The following RASSF3 variants were observed in gnomAD, a reference collection of about 807,000 sequenced individuals.
RASSF3 encodes Ras association domain family member 3.
Under a neutral mutation model 19.9 loss-of-function variants are expected in RASSF3, and 19 were observed. The ratio of observed to expected loss-of-function variants is 0.96; its 90% CI spans 0.67 to 1.40. The LOEUF is 1.40. Among genes scored for constraint, RASSF3 ranks in the 40% most tolerant of loss-of-function variants. The pLI is 0.00. For synonymous variants in RASSF3, 110 were observed against 104.2 expected (o/e 1.06, Z -0.34); for missense variants, 306 against 289.8 (o/e 1.06, Z -0.41).
intron 2 of RASSF3, among the ~76,000 whole-genome samples, chr12:64,598,697 T>A (rs1276011733): frequency 6.6e-6 from 1 of 152,184 alleles, no homozygotes; most frequent in Non-Finnish European, 1.5e-5. Flanking sequence ...CAAAAAAGCA[T>A]TTCTATTTTC....
At chr12:64,644,509 A>G (rs568211358) in intron 1 of RASSF3, among the ~76,000 whole-genome samples, 1 of 152,252 alleles carries the variant, frequency 6.6e-6, no homozygotes, top group African/African-American at 2.4e-5. Context: ...CAGCCTGGGC[A>G]ACATGGAGAA....
At chr12:64,563,429 C>G (rs1488478325) in intron 2 of RASSF3, among the ~76,000 whole-genome samples, 1 of 152,182 alleles carries the variant, frequency 6.6e-6, no homozygotes, top group East Asian at 1.9e-4. Flanking sequence ...CTCAGCTTCC[C>G]AAAGTGCTGG....
At chr12:64,639,456 A>G (rs2136180983) in intron 1 of RASSF3, among the ~76,000 whole-genome samples, 1 of 147,700 alleles carries the variant, frequency 6.8e-6, no homozygotes, top group African/African-American at 2.6e-5. Flanking sequence ...AGGTGATAAC[A>G]TTTTTGCGTG....
chr12:64,631,961 C>T (rs1871183676), intron 1 of RASSF3, among the ~76,000 whole-genome samples: 1 of 152,058 alleles, frequency 6.6e-6, no homozygotes, highest in Non-Finnish European at 1.5e-5. Flanking sequence ...AGAGATGCCT[C>T]CCTTCGCACT....
chr12:64,692,221 C>T (rs566538292), intron 4 of RASSF3, among the ~76,000 whole-genome samples: 1 of 152,296 alleles, frequency 6.6e-6, no homozygotes, highest in South Asian at 2.1e-4. Context: ...AAATCCCAAG[C>T]TCCTGTCCCA....
chr12:64,691,951 T>C (rs1868293016), intron 4 of RASSF3, among the ~76,000 whole-genome samples: 1 of 152,146 alleles, frequency 6.6e-6, no homozygotes, highest in African/African-American at 2.4e-5. Context: ...ATGTGTTTGC[T>C]ACTAACAAAA....
chr12:64,554,387 C>A (rs1183366449), intron 2 of RASSF3, among the ~76,000 whole-genome samples: 2 of 152,212 alleles, frequency 1.3e-5, no homozygotes, highest in Admixed American at 6.5e-5. Flanking sequence ...TCACTGCAAC[C>A]TTTGCCTCCT....
intron 1 of RASSF3, among the ~76,000 whole-genome samples, chr12:64,618,323 T>G (rs1370781527): frequency 2.6e-5 from 4 of 152,108 alleles, no homozygotes; most frequent in African/African-American, 9.7e-5. Context: ...TTTTGTTTGC[T>G]TAATTTTATT....
At chr12:64,549,212 G>GT (rs1869116823) in intron 2 of RASSF3, among the ~76,000 whole-genome samples, 1 of 152,234 alleles carries the variant, frequency 6.6e-6, no homozygotes, top group South Asian at 2.1e-4. Context: ...TCTTCTGCCA[G>GT]TTGTAGATCC....
intron 2 of RASSF3, among the ~76,000 whole-genome samples, chr12:64,579,273 C>T (rs1307250052): frequency 6.6e-6 from 1 of 150,996 alleles, no homozygotes; most frequent in Non-Finnish European, 1.5e-5. Flanking sequence ...TGGAAATAAT[C>T]ATATTTAAGT....
intron 2 of RASSF3, among the ~76,000 whole-genome samples, chr12:64,587,186 C>G (rs1032702302): frequency 1.3e-5 from 2 of 150,120 alleles, no homozygotes; most frequent in African/African-American, 2.4e-5. Flanking sequence ...TCCCGAGTAG[C>G]TGGGATTACA....
intron 2 of RASSF3, among the ~76,000 whole-genome samples, chr12:64,561,367 A>G (rs1323339366): frequency 1.3e-5 from 2 of 152,252 alleles, no homozygotes; most frequent in Non-Finnish European, 2.9e-5. Context: ...AGGCACATGC[A>G]TTTCAGATTG....
chr12:64,588,337 CTA>C (rs1279034659), intron 2 of RASSF3, among the ~76,000 whole-genome samples: 2 of 152,148 alleles, frequency 1.3e-5, no homozygotes, highest in African/African-American at 4.8e-5. Context: ...TACAAAAACA[CTA>C]TTAATAATAT....
At chr12:64,563,913 T>TC (rs1397192135) in intron 2 of RASSF3, among the ~76,000 whole-genome samples, 1 of 152,044 alleles carries the variant, frequency 6.6e-6, no homozygotes, top group East Asian at 1.9e-4. Context: ...ATTTCTTCTC[T>TC]CCCCCATCTA....
Position 64,695,949 on chromosome 12 carries a change from C to T in RASSF3, c.*1037C>T, listed in dbSNP as rs1868350624. ...ATTTGGGTAGGGGCAGCTGTTTTTCCCTTGATTGTTAGCTAGGATATTTGT... is the reference window on the plus strand; with the variant it reads ...ATTTGGGTAGGGGCAGCTGTTTTTCTCTTGATTGTTAGCTAGGATATTTGT... On this transcript the variant is annotated 3_prime_UTR_variant, in exon 5 of 5. Transcript: ENST00000542104. The T allele has an allele frequency of 6.6e-6, 1 of 152,176 alleles. No homozygotes were observed. Among genetic ancestry groups the T allele is most frequent in the African/African-American group, 2.4e-5 (1 of 41,430 alleles). 9.4% of individuals were successfully genotyped at this position (152,176 alleles called of 1,614,324 possible).
rs113065463 is a variant in RASSF3, at chr12:64,670,370, G to GTT, written c.112-14405_112-14404dup. Among the ~76,000 whole-genome samples, 1,192 of 143,720 alleles carry GTT rather than the reference G, an allele frequency of 8.3e-3. 8 individuals carry two copies. Among genetic ancestry groups the GTT allele is most frequent in the African/African-American group, 0.022 (885 of 39,412 alleles). 94.3% of individuals were successfully genotyped at this position (143,720 alleles called of 152,430 possible). ...GCCTTTTTCCCTCCTAGATTTTACT[G>GTT]TTTTTTTTTTTTTCCTGATTAACAA... On this transcript the variant is annotated intron_variant, in intron 1 of 4. Transcript: ENST00000542104.
intron 2 of RASSF3, among the ~76,000 whole-genome samples, chr12:64,565,063 G>GTA (rs1869406771): frequency 6.6e-6 from 1 of 151,356 alleles, no homozygotes; most frequent in Non-Finnish European, 1.5e-5. Flanking sequence ...TTACAGGTGT[G>GTA]AGCCACCACA....
At chr12:64,574,602 C>T (rs542858314) in intron 2 of RASSF3, among the ~76,000 whole-genome samples, 1 of 152,268 alleles carries the variant, frequency 6.6e-6, no homozygotes, top group Admixed American at 6.5e-5. Context: ...ATGAGCTTGC[C>T]TACTGGGGTT....
upstream of RASSF3, chr12:64,609,583 A>C (rs1870265332): frequency 6.6e-6 from 1 of 152,228 alleles, no homozygotes; most frequent in Admixed American, 6.5e-5. Flanking sequence ...ACTGTTACCC[A>C]CTGGTGGCTT....
Sources: gnomAD v4.1 joint callset for allele counts (sites outside exome capture counted in the v4.1 genomes callset) on GRCh38, gnomAD v4.1.1 for gene constraint, MANE v1.5 for transcripts, NCBI Gene and HGNC (gene_info 2026-07-23, HGNC 2026-07-21) for gene names.